The following STRBP variants were observed in gnomAD, a reference collection of about 807,000 sequenced individuals.
STRBP encodes spermatid perinuclear RNA binding protein, also known as spermatid perinuclear RNA-binding protein.
A neutral mutation model predicts 80.1 loss-of-function variants in STRBP; 13 were observed. The ratio of observed to expected loss-of-function variants is 0.16; its 90% confidence interval spans 0.11 to 0.26. STRBP has a LOEUF of 0.26. STRBP is among the 10% of genes least tolerant of loss of function. The pLI, the probability that STRBP is intolerant of heterozygous loss-of-function variation, is 1.00. For synonymous variants in STRBP, 284 were observed against 291.2 expected, an observed-to-expected ratio of 0.98 and a Z score of 0.25; for missense variants, 485 against 815.2, an observed-to-expected ratio of 0.59 and a Z score of 4.93.
At chr9:123,129,311 C>A (rs1270586739) in intron 17 of STRBP, among the ~76,000 whole-genome samples, 1 of 152,120 alleles carries the variant, frequency 6.6e-6, no homozygotes. Flanking sequence ...GAGCCATGAT[C>A]ACACCACTGC....
intron 1 of STRBP, among the ~76,000 whole-genome samples, chr9:123,261,350 A>G (rs1014739536): frequency 6.6e-6 from 1 of 152,350 alleles, no homozygotes; most frequent in East Asian, 1.9e-4. Flanking sequence ...TTCAGAAACT[A>G]ACATGAATTT....
intron 5 of STRBP, 115 bp downstream of exon 5, chr9:123,173,562 T>C: frequency 9.1e-7 from 1 of 1,101,420 alleles, no homozygotes; most frequent in South Asian, 1.7e-5. Flanking sequence ...AGTACTCATT[T>C]TGTCTGTGTC....
Position 123,122,193 on chromosome 9 carries a change from C to T in STRBP, c.*3404G>A. 1.7e-6 allele frequency: 1 copy of T among 582,380 alleles called. No homozygotes were observed. Among genetic ancestry groups the T allele is most frequent in the Non-Finnish European group, 2.6e-6 (1 of 387,144 alleles). 36.1% of individuals were successfully genotyped at this position (582,380 alleles called of 1,614,324 possible). The stretch of plus-strand genomic sequence containing the variant: ...TTAATCAGAAAATAAAAGAGCTTAC[C>T]TTTGTATACTGAGATCACAGCTTAC... On this transcript the variant is annotated 3_prime_UTR_variant, in exon 19 of 19. Transcript: ENST00000348403.
intron 1 of STRBP, among the ~76,000 whole-genome samples, chr9:123,265,203 A>T (rs541480898): frequency 6.6e-6 from 1 of 151,814 alleles, no homozygotes; most frequent in East Asian, 1.9e-4. Context: ...TTTTTTTTTT[A>T]ATATTTATAT....
chr9:123,140,998 GGATA>G (rs1201100684), intron 13 of STRBP, among the ~76,000 whole-genome samples: 1 of 152,186 alleles, frequency 6.6e-6, no homozygotes, highest in Non-Finnish European at 1.5e-5. Flanking sequence ...TTACATCAGA[GGATA>G]TAGGGACAGA....
chr9:123,268,021 C>T (rs1285316041), intron 1 of STRBP, among the ~76,000 whole-genome samples: 3 of 151,194 alleles, frequency 2.0e-5, no homozygotes, highest in African/African-American at 7.3e-5. Flanking sequence ...CTTCCGCCTG[C>T]CCCCCGAAGC....
At chr9:123,239,976 TA>T (rs1395597306) in intron 1 of STRBP, among the ~76,000 whole-genome samples, 2 of 152,220 alleles carry the variant, frequency 1.3e-5, no homozygotes, top group African/African-American at 2.4e-5. Context: ...CACAAACTAT[TA>T]AGTGAGTCCT....
At chr9:123,217,754 A>G (rs1588117825) in intron 2 of STRBP, among the ~76,000 whole-genome samples, 1 of 152,220 alleles carries the variant, frequency 6.6e-6, no homozygotes, top group Non-Finnish European at 1.5e-5. Flanking sequence ...GTCCATTCTT[A>G]TTTCCCACTG....
At chr9:123,180,188 C>T (rs1009762860) in intron 3 of STRBP, among the ~76,000 whole-genome samples, 2 of 151,998 alleles carry the variant, frequency 1.3e-5, no homozygotes, top group Admixed American at 1.3e-4. Flanking sequence ...CCCAGGAGTT[C>T]GAGGTTAAGT....
chr9:123,183,261 C>T (rs1020456656), intron 3 of STRBP, among the ~76,000 whole-genome samples: 1 of 151,648 alleles, frequency 6.6e-6, no homozygotes, highest in African/African-American at 2.4e-5. Flanking sequence ...ATGGCGAAAC[C>T]CCGTCTCTAC....
At chr9:123,212,733 G>A (rs929234291) in intron 2 of STRBP, 2 of 152,126 alleles carry the variant, frequency 1.3e-5, no homozygotes, top group African/African-American at 4.8e-5. Context: ...ACCAATAAGT[G>A]AATAAATTTG....
intron 2 of STRBP, among the ~76,000 whole-genome samples, chr9:123,185,957 G>A (rs532942011): frequency 4.7e-4 from 71 of 149,532 alleles, no homozygotes; most frequent in African/African-American, 1.6e-3. Context: ...GCGTGAACCC[G>A]GGAGGCAGAG....
At chr9:123,156,382 G>T (rs771307879) in intron 11 of STRBP, among the ~76,000 whole-genome samples, 3 of 151,898 alleles carry the variant, frequency 2.0e-5, no homozygotes, top group Non-Finnish European at 4.4e-5. Flanking sequence ...AATAATCATA[G>T]GGTAGAATCT....
At chr9:123,213,116 C>T (rs1166851642) in intron 2 of STRBP, among the ~76,000 whole-genome samples, 1 of 152,196 alleles carries the variant, frequency 6.6e-6, no homozygotes, top group African/African-American at 2.4e-5. Flanking sequence ...GCTCCCAAGG[C>T]CGCAATGAAG....
intron 6 of STRBP, among the ~76,000 whole-genome samples, chr9:123,166,759 AACAACAAC>A (rs2037778099): frequency 2.3e-4 from 1 of 4,434 alleles, no homozygotes; most frequent in East Asian, 5.3e-4. Flanking sequence ...CTCCAGCAAC[AACAACAAC>A]AACAACAACA....
At chr9:123,129,020 ACT>A (rs1394736349) in intron 17 of STRBP, among the ~76,000 whole-genome samples, 1 of 152,156 alleles carries the variant, frequency 6.6e-6, no homozygotes, top group African/African-American at 2.4e-5. Flanking sequence ...CAATCTTTTT[ACT>A]CTTTTAGTAA....
intron 3 of STRBP, among the ~76,000 whole-genome samples, chr9:123,183,033 A>AAAC (rs1554757097): frequency 7.2e-5 from 10 of 139,856 alleles, no homozygotes; most frequent in African/African-American, 2.5e-4. Flanking sequence ...AAAAAAAAAA[A>AAAC]AAAAACAAAA....
chr9:123,260,626 T>C (rs2041141762), intron 1 of STRBP, among the ~76,000 whole-genome samples: 1 of 152,214 alleles, frequency 6.6e-6, no homozygotes, highest in Non-Finnish European at 1.5e-5. Context: ...AAAATAATGT[T>C]GTGGTTACGT....
At chr9:123,179,370 C>T (rs2038357512) in intron 3 of STRBP, 143 bp from the exon 4 acceptor site, 5 of 659,434 alleles carry the variant, frequency 7.6e-6, no homozygotes, top group African/African-American at 1.8e-5. Flanking sequence ...AAAAACTGCT[C>T]CAGCGTGGGA....
Sources: allele counts gnomAD v4.1 joint callset (sites outside exome capture counted in the v4.1 genomes callset), GRCh38; gene constraint gnomAD v4.1.1; transcripts MANE v1.5; gene names NCBI Gene and HGNC (gene_info 2026-07-23, HGNC 2026-07-21).